LRP8: variants seen among roughly 807,000 people sequenced by gnomAD.
LRP8 encodes the protein low-density lipoprotein receptor-related protein 8.
Under a neutral mutation model 111.6 loss-of-function variants are expected in LRP8, and 46 were observed. The ratio of observed to expected loss-of-function variants is 0.41; its 90% CI spans 0.33 to 0.53. The LOEUF (loss-of-function observed/expected upper bound fraction) is 0.53, where lower values mean the gene tolerates loss of function less well. Ranked by LOEUF, LRP8 falls within the 20% of genes least tolerant of loss-of-function variation. The pLI is 0.20. For synonymous variants in LRP8, 464 were observed against 511.2 expected (o/e 0.91, Z 1.24); for missense variants, 959 against 1,297.4 (o/e 0.74, Z 4.01).
intron 8 of LRP8, among the ~76,000 whole-genome samples, chr1:53,270,051 C>G (rs190045489): frequency 6.6e-6 from 1 of 152,148 alleles, no homozygotes; most frequent in Admixed American, 6.5e-5. Flanking sequence ...TCTCTGTGGG[C>G]TATATTGGGT....
chr1:53,314,916 C>T (rs1378092407), intron 2 of LRP8, among the ~76,000 whole-genome samples: 2 of 152,208 alleles, frequency 1.3e-5, no homozygotes, highest in Non-Finnish European at 2.9e-5. Context: ...CACCCTTCTC[C>T]ATCCTGATCT....
intron 16 of LRP8, among the ~76,000 whole-genome samples, chr1:53,252,790 C>A (rs1009891369): frequency 1.3e-5 from 2 of 152,172 alleles, no homozygotes; most frequent in Non-Finnish European, 2.9e-5. Flanking sequence ...TTGATAAAAA[C>A]TTCACCAAAA....
rs2100405653 is a variant in LRP8, at chr1:53,271,023, C to T, written c.1252+5G>A. 2 of 1,614,046 alleles carry T rather than the reference C, an allele frequency of 1.2e-6. No individual in the cohort carries two copies. The highest frequency in any genetic ancestry group is 2.2e-5 in the South Asian group (2 of 91,046). ...GCTGCCCCTCTGCCCTTGGGGTGTT[C>T]ATACCAGCAGCCTTGCAGTTCTTGG... On this transcript the variant is annotated splice_donor_5th_base_variant and intron_variant, in intron 8 of 18. Transcript: ENST00000306052.
rs1645668549 is a variant in LRP8, at chr1:53,242,922, A to T, written c.*4096T>A. The T allele has an allele frequency of 6.6e-6, 1 of 151,936 alleles. No homozygotes were observed. Among genetic ancestry groups the T allele is most frequent in the African/African-American group, 2.4e-5 (1 of 41,366 alleles). The allele number at this position is 151,936 out of a possible 1,614,324, so 9.4% of individuals were successfully genotyped here. Reference sequence around the variant, plus strand: ...TATAGCACAAAGTGTTTGTAAATGCAGAGGGTTTCTGCTAATTCTTGACTG... The same window carrying T: ...TATAGCACAAAGTGTTTGTAAATGCTGAGGGTTTCTGCTAATTCTTGACTG... On this transcript the variant is annotated 3_prime_UTR_variant, in exon 19 of 19. Coordinates refer to ENST00000306052, the MANE Select transcript of LRP8 (RefSeq NM_004631.5).
chr1:53,326,723 G>C, intron 2 of LRP8, 150 bp downstream of exon 2: 1 of 1,304,106 alleles, frequency 7.7e-7, no homozygotes, highest in Non-Finnish European at 1.0e-6. Context: ...CGAGGGAGGC[G>C]GTGCCCAGGC....
intron 2 of LRP8, among the ~76,000 whole-genome samples, chr1:53,323,242 C>T (rs547121617): frequency 6.6e-6 from 1 of 152,308 alleles, no homozygotes; most frequent in Non-Finnish European, 1.5e-5. Context: ...GGGCCAGTTA[C>T]GTAACCCGTC....
chr1:53,280,065 C>T (rs542414569), intron 4 of LRP8, among the ~76,000 whole-genome samples: 109 of 152,358 alleles, frequency 7.2e-4, no homozygotes, highest in South Asian at 4.3e-3. Context: ...TGCCCTGTGA[C>T]GTCTGTGCTT....
At chr1:53,313,827 C>A (rs1488435140) in intron 2 of LRP8, among the ~76,000 whole-genome samples, 1 of 152,206 alleles carries the variant, frequency 6.6e-6, no homozygotes, top group Non-Finnish European at 1.5e-5. Context: ...GGGTGGGCGT[C>A]ACTGCAGAAG....
intron 3 of LRP8, among the ~76,000 whole-genome samples, chr1:53,281,838 C>T (rs1647121920): frequency 1.3e-5 from 2 of 152,212 alleles, no homozygotes; most frequent in Admixed American, 6.5e-5. Flanking sequence ...TAAATGTTAC[C>T]TACTATGATT....
Position 53,246,885 on chromosome 1 carries a change from TAAA to T in LRP8, c.*130_*132del. ...TGGTTACCTTTCCGCAACATAAATT[TAAA>T]AAAAAAATCACACACACACATACAC... On this transcript the variant is annotated 3_prime_UTR_variant, in exon 19 of 19. Coordinates refer to ENST00000306052, the MANE Select transcript of LRP8 (RefSeq NM_004631.5). 1 of 708,028 alleles carries T rather than the reference TAAA, an allele frequency of 1.4e-6. No homozygotes were observed. The highest frequency in any genetic ancestry group is 2.3e-6 in the Non-Finnish European group (1 of 443,018). The allele number at this position is 708,028 out of a possible 1,614,324, so 43.9% of individuals were successfully genotyped here. A position where few individuals can be genotyped will look rare whatever the true frequency, so the allele number is the denominator to read the frequency against.
At chr1:53,314,563 G>A (rs1653548790) in intron 2 of LRP8, among the ~76,000 whole-genome samples, 2 of 152,230 alleles carry the variant, frequency 1.3e-5, no homozygotes. Context: ...CATTAACAGA[G>A]CTGGGATCAG....
rs1646369443 is a variant in LRP8, at chr1:53,262,304, C to G, written c.1775-97G>C. On this transcript the variant is annotated intron_variant, in intron 11 of 18. Coordinates refer to ENST00000306052, the MANE Select transcript of LRP8 (RefSeq NM_004631.5). This position sits in a 1 kb window ranked among gnomAD's most constrained non-coding sequence, Gnocchi z 4.8. ...CCTGCCCACATTTCTAGGCCTCACACTGAGGCCAGCCTACGGCAACCATTA... is the reference window on the plus strand; with the variant it reads ...CCTGCCCACATTTCTAGGCCTCACAGTGAGGCCAGCCTACGGCAACCATTA... 6.5e-7 allele frequency: 1 copy of G among 1,538,406 alleles called. No individual in the cohort carries two copies. Among genetic ancestry groups the G allele is most frequent in the Non-Finnish European group, 8.9e-7 (1 of 1,121,800 alleles).
intron 2 of LRP8, among the ~76,000 whole-genome samples, chr1:53,296,951 C>T (rs569752220): frequency 1.3e-5 from 2 of 152,262 alleles, no homozygotes; most frequent in South Asian, 2.1e-4. Context: ...TGGAGCTGCA[C>T]GGTTGGAAGT....
At chr1:53,278,755 CTTTT>C (rs139298983) in intron 4 of LRP8, among the ~76,000 whole-genome samples, 118 of 135,672 alleles carry the variant, frequency 8.7e-4, no homozygotes, top group East Asian at 1.1e-3. Flanking sequence ...ATGGGAAGTG[CTTTT>C]TTTTTTTTTT....
At position 53,249,335 on chromosome 1, in the gene LRP8, G is replaced by A; in HGVS notation, c.2853+45C>T. 6.3e-7 allele frequency: 1 copy of A among 1,594,252 alleles called. No homozygotes were observed. Among genetic ancestry groups the A allele is most frequent in the Non-Finnish European group, 8.6e-7 (1 of 1,168,470 alleles). ...ATTGGCTGCGCCTGCCTTGGTTCAT[G>A]CCCTCACTCACCAGCCCCTCAGACT... On this transcript the variant is annotated intron_variant, in intron 18 of 18. Coordinates refer to ENST00000306052, the MANE Select transcript of LRP8 (RefSeq NM_004631.5). The surrounding 1 kb of genome is among the most constrained non-coding windows in gnomAD (Gnocchi z 4.1).
rs940777087 is a variant in LRP8 at position 53,256,902 on chromosome 1, G to A, written c.2434+338C>T. Among the ~76,000 whole-genome samples the A allele has an allele frequency of 3.3e-5, 5 of 152,186 alleles. No homozygotes were observed. The East Asian group carries it at 7.7e-4, about 23-fold the overall frequency. Reference sequence around the variant, plus strand: ...CACACACCCTCGCAGAGTCAGCAACGGCTGTGTGCGTGAGCACCTCCAGTT... The same window carrying A: ...CACACACCCTCGCAGAGTCAGCAACAGCTGTGTGCGTGAGCACCTCCAGTT... On this transcript the variant is annotated intron_variant, in intron 15 of 18. Coordinates refer to ENST00000306052, the MANE Select transcript of LRP8 (RefSeq NM_004631.5).
At chr1:53,299,279 G>C (rs1650351715) in intron 2 of LRP8, among the ~76,000 whole-genome samples, 1 of 152,168 alleles carries the variant, frequency 6.6e-6, no homozygotes, top group African/African-American at 2.4e-5. Context: ...GTCAGCAGTG[G>C]GTCGCTGCAG....
At position 53,308,236 on chromosome 1, in the gene LRP8, C is replaced by T. The variant is rs116603695; in HGVS notation, c.245-18547G>A. ...ACTTCAAGGCACTGTGGGAGGACAG[C>T]GCAGGGAACGGGATGTTCACAGAGC... is the stretch of plus-strand genomic sequence containing the variant. On this transcript the variant is annotated intron_variant, in intron 2 of 18. Transcript: ENST00000306052. 3.3e-3 allele frequency among the ~76,000 whole-genome samples: 510 copies of T among 152,336 alleles called. 3 individuals are homozygous for T. The highest frequency in any genetic ancestry group is 5.7e-3 in the Non-Finnish European group (385 of 68,032).
rs563806186 is a variant in LRP8 at position 53,313,908 on chromosome 1, G to A, written c.244+12965C>T. Among the ~76,000 whole-genome samples the A allele has an allele frequency of 3.9e-5, 6 of 152,332 alleles. No homozygotes were observed. The East Asian group carries it at 1.2e-3, about 29-fold the overall frequency. On this transcript the variant is annotated intron_variant, in intron 2 of 18. Coordinates refer to ENST00000306052, the MANE Select transcript of LRP8 (RefSeq NM_004631.5). Reference sequence around the variant, plus strand: ...CTGCAGAGCGAAGATGGGTTTGGAGGACAGAACAGAAACTAGGCAGGGGCT... The same window carrying A: ...CTGCAGAGCGAAGATGGGTTTGGAGAACAGAACAGAAACTAGGCAGGGGCT...
Sources: allele counts gnomAD v4.1 joint callset (sites outside exome capture counted in the v4.1 genomes callset), GRCh38; gene constraint gnomAD v4.1.1; non-coding constraint Gnocchi (gnomAD v3.1); transcripts MANE v1.5; gene names NCBI Gene and HGNC (gene_info 2026-07-23, HGNC 2026-07-21).